The following HCN1 variants were observed in gnomAD, a reference collection of about 807,000 sequenced individuals.
HCN1 encodes the protein potassium/sodium hyperpolarization-activated cyclic nucleotide-gated channel 1.
In HCN1, 13 loss-of-function variants were observed where a neutral mutation model predicts 78.9. The ratio of observed to expected loss-of-function variants is 0.16; its 90% CI spans 0.11 to 0.26. HCN1 has a LOEUF of 0.26. Ranked by LOEUF, HCN1 falls within the 10% of genes least tolerant of loss-of-function variation. HCN1 has a pLI of 1.00. For missense variants in HCN1, 810 were observed against 1,154.3 expected, an observed-to-expected ratio of 0.70 and a Z score of 4.32; for synonymous variants, 552 against 455.5, an observed-to-expected ratio of 1.21 and a Z score of -2.70.
intron 3 of HCN1, among the ~76,000 whole-genome samples, chr5:45,425,571 GA>G (rs1437387078): frequency 6.6e-6 from 1 of 152,158 alleles, no homozygotes; most frequent in African/African-American, 2.4e-5. Flanking sequence ...TAAAGATTTA[GA>G]GGAGAAAATA....
intron 6 of HCN1, among the ~76,000 whole-genome samples, chr5:45,280,988 A>G (rs1745150273): frequency 6.6e-6 from 1 of 152,066 alleles, no homozygotes; most frequent in African/African-American, 2.4e-5. Context: ...ATTTCTGCTA[A>G]AGAATCTGTG....
intron 2 of HCN1, among the ~76,000 whole-genome samples, chr5:45,626,355 G>T (rs1745163210): frequency 6.6e-6 from 1 of 152,092 alleles, no homozygotes; most frequent in African/African-American, 2.4e-5. Context: ...TGCTGCTCCT[G>T]GGAAACATCC....
chr5:45,409,253 T>C (rs1157176072), intron 3 of HCN1, among the ~76,000 whole-genome samples: 1 of 152,054 alleles, frequency 6.6e-6, no homozygotes, highest in African/African-American at 2.4e-5. Context: ...ATAAATTTCT[T>C]ACCGATGTGT....
At chr5:45,526,187 G>C (rs1742733484) in intron 2 of HCN1, among the ~76,000 whole-genome samples, 1 of 152,070 alleles carries the variant, frequency 6.6e-6, no homozygotes, top group African/African-American at 2.4e-5. Context: ...CTAACTCAGT[G>C]AATCAAAAAA....
chr5:45,647,653 T>C lies in HCN1; in HGVS notation c.426-2045A>G, dbSNP rs1745578155. Reference sequence around the variant, plus strand: ...CTAATCCTCATAATCAGTAGCCCGTTAAATCTCTCTCCTGGCATATCTCAC... The same window carrying C: ...CTAATCCTCATAATCAGTAGCCCGTCAAATCTCTCTCCTGGCATATCTCAC... On this transcript the variant is annotated intron_variant, in intron 1 of 7. Coordinates refer to ENST00000303230, the MANE Select transcript of HCN1 (RefSeq NM_021072.4). Among the ~76,000 whole-genome samples the C allele has an allele frequency of 5.3e-5, 8 of 152,244 alleles. 1 individual carries two copies. The South Asian group carries it at 1.7e-3, about 32-fold the overall frequency.
intron 2 of HCN1, among the ~76,000 whole-genome samples, chr5:45,609,060 A>G (rs1744781593): frequency 6.6e-6 from 1 of 152,086 alleles, no homozygotes; most frequent in African/African-American, 2.4e-5. Flanking sequence ...GCAAAAATGA[A>G]AAGAAGACAG....
intron 5 of HCN1, among the ~76,000 whole-genome samples, chr5:45,336,287 C>G (rs1166850878): frequency 1.3e-5 from 2 of 152,170 alleles, no homozygotes; most frequent in South Asian, 2.1e-4. Flanking sequence ...ATATACCACA[C>G]AGTAATAGTT....
chr5:45,389,783 A>G (rs1282666621), intron 4 of HCN1, among the ~76,000 whole-genome samples: 1 of 152,146 alleles, frequency 6.6e-6, no homozygotes, highest in Non-Finnish European at 1.5e-5. Context: ...TAATGATTCC[A>G]TCAGAAACAA....
intron 5 of HCN1, among the ~76,000 whole-genome samples, chr5:45,326,444 T>G (rs1374309566): frequency 6.6e-6 from 1 of 151,612 alleles, no homozygotes; most frequent in Non-Finnish European, 1.5e-5. Flanking sequence ...TTCTTTTTAG[T>G]GGCCACAAAA....
chr5:45,353,021 G>A (rs1746943687), intron 5 of HCN1, 79 bp downstream of exon 5: 6 of 1,253,020 alleles, frequency 4.8e-6, no homozygotes, highest in East Asian at 2.3e-5. Context: ...TTAGAGTAAC[G>A]TGGACTAGAA....
chr5:45,377,490 TTACACAATC>T (rs1747708260), intron 4 of HCN1, among the ~76,000 whole-genome samples: 1 of 152,014 alleles, frequency 6.6e-6, no homozygotes, highest in Admixed American at 6.6e-5. Flanking sequence ...GGGCTGTTTT[TTACACAATC>T]ACTTGCAACC....
At chr5:45,263,337 G>A (rs1209080787) in intron 7 of HCN1, among the ~76,000 whole-genome samples, 3 of 151,656 alleles carry the variant, frequency 2.0e-5, no homozygotes, top group Non-Finnish European at 4.4e-5. Flanking sequence ...AGAAGACTAA[G>A]AACAGTGCCC....
chr5:45,529,617 G>A (rs1237789029), intron 2 of HCN1, among the ~76,000 whole-genome samples: 1 of 151,950 alleles, frequency 6.6e-6, no homozygotes, highest in Non-Finnish European at 1.5e-5. Flanking sequence ...AATCCAAATG[G>A]TGTCTTTGGC....
chr5:45,547,509 T>C (rs1223251337), intron 2 of HCN1, among the ~76,000 whole-genome samples: 1 of 151,906 alleles, frequency 6.6e-6, no homozygotes, highest in Non-Finnish European at 1.5e-5. Flanking sequence ...ACCCTACTCA[T>C]TTCAGGCTGA....
intron 6 of HCN1, among the ~76,000 whole-genome samples, chr5:45,300,357 C>A (rs1745586187): frequency 6.6e-6 from 1 of 151,816 alleles, no homozygotes; most frequent in Non-Finnish European, 1.5e-5. Context: ...CCTCTGCCAC[C>A]CAAGATAGTA....
intron 1 of HCN1, among the ~76,000 whole-genome samples, chr5:45,676,816 G>T (rs570270340): frequency 9.2e-5 from 14 of 151,804 alleles, no homozygotes; most frequent in African/African-American, 3.4e-4. Flanking sequence ...ATGGGCAAAG[G>T]TTGTGATGAC....
intron 2 of HCN1, among the ~76,000 whole-genome samples, chr5:45,513,813 G>A (rs1742466200): frequency 6.6e-6 from 1 of 152,080 alleles, no homozygotes; most frequent in Admixed American, 6.6e-5. Context: ...GGGGACTGTG[G>A]CTATAGCCCC....
intron 2 of HCN1, among the ~76,000 whole-genome samples, chr5:45,549,447 T>C (rs1422427233): frequency 6.6e-6 from 1 of 152,156 alleles, no homozygotes; most frequent in Non-Finnish European, 1.5e-5. Flanking sequence ...TAGCCATATG[T>C]AGAAAGCTGA....
chr5:45,466,798 G>C (rs1483927750), intron 2 of HCN1, among the ~76,000 whole-genome samples: 1 of 152,096 alleles, frequency 6.6e-6, no homozygotes, highest in African/African-American at 2.4e-5. Flanking sequence ...TAGGTACAAA[G>C]TGTAGAAGGT....
Sources: gnomAD v4.1 joint callset for allele counts (sites outside exome capture counted in the v4.1 genomes callset) on GRCh38, gnomAD v4.1.1 for gene constraint, MANE v1.5 for transcripts, NCBI Gene and HGNC (gene_info 2026-07-23, HGNC 2026-07-21) for gene names.